MYCBP2: variants seen among roughly 807,000 people sequenced by gnomAD.
The protein encoded by MYCBP2 is E3 ubiquitin-protein ligase MYCBP2.
In MYCBP2, 120 loss-of-function variants were observed where a neutral mutation model predicts 525.3. That is an observed-to-expected ratio of 0.23 (90% CI 0.20 to 0.27). MYCBP2 has a LOEUF of 0.27. MYCBP2 is among the 10% of genes least tolerant of loss of function. The probability of loss-of-function intolerance (pLI) is 1.00; values close to 1 mark genes in which losing one functional copy is unlikely to be tolerated. For missense variants in MYCBP2, 4,149 were observed against 5,657.1 expected (o/e 0.73, Z 8.55); for synonymous variants, 1,894 against 1,955.8 (o/e 0.97, Z 0.83).
intron 55 of MYCBP2, among the ~76,000 whole-genome samples, chr13:77,118,907 G>A (rs1238948443): frequency 1.3e-5 from 2 of 152,022 alleles, no homozygotes; most frequent in African/African-American, 2.4e-5. Context: ...CTGCCTCATC[G>A]GCAGTATATT....
chr13:77,146,065 T>C (rs368379465), intron 48 of MYCBP2, 97 bp downstream of exon 48: 4 of 744,004 alleles, frequency 5.4e-6, no homozygotes, highest in African/African-American at 3.6e-5. Context: ...CTATAAAGTA[T>C]TTATTTATAG....
At chr13:77,300,705 C>A (rs1471320829) in intron 1 of MYCBP2, among the ~76,000 whole-genome samples, 1 of 152,208 alleles carries the variant, frequency 6.6e-6, no homozygotes, top group Non-Finnish European at 1.5e-5. Flanking sequence ...AAATTATCTG[C>A]CTTTTCTTTT....
chr13:77,145,213 A>G (rs2055334850), intron 48 of MYCBP2, among the ~76,000 whole-genome samples: 1 of 152,138 alleles, frequency 6.6e-6, no homozygotes, highest in South Asian at 2.1e-4. Context: ...AAAGTCACCA[A>G]TGACCACCAC....
chr13:77,152,765 G>A (rs550241298), intron 46 of MYCBP2, among the ~76,000 whole-genome samples: 14 of 152,114 alleles, frequency 9.2e-5, no homozygotes, highest in Admixed American at 4.6e-4. Context: ...CACTTCCACC[G>A]TTTGATAAAA....
At chr13:77,097,339 A>C (rs1054984553) in intron 56 of MYCBP2, 31 bp downstream of exon 56, 6 of 1,551,930 alleles carry the variant, frequency 3.9e-6, no homozygotes, top group Admixed American at 2.2e-5. Flanking sequence ...AGAAAAAAGC[A>C]CTTATACGTA....
In MYCBP2 at chr13:77,058,934, G is replaced by A. The variant is rs567886603; in HGVS notation, c.13141-528C>T. 2.0e-3 allele frequency among the ~76,000 whole-genome samples: 311 copies of A among 152,202 alleles called. 2 individuals are homozygous for A. Among genetic ancestry groups the A allele is most frequent in the African/African-American group, 5.5e-3 (227 of 41,530 alleles). On this transcript the variant is annotated intron_variant, in intron 77 of 82. Coordinates refer to ENST00000544440, the MANE Select transcript of MYCBP2 (RefSeq NM_015057.5). The surrounding 1 kb of genome is among the most constrained non-coding windows in gnomAD (Gnocchi z 4.1). ...CGGGAGGCGGAGGTTGCAGTGAGCC[G>A]AGATCGTGCCACTGTACTCCAGCCT...
At chr13:77,207,260 T>C (rs1260934660) in intron 23 of MYCBP2, among the ~76,000 whole-genome samples, 1 of 152,284 alleles carries the variant, frequency 6.6e-6, no homozygotes, top group Non-Finnish European at 1.5e-5. Context: ...GGCAAGGACA[T>C]GGAATGCTAT....
At chr13:77,154,185 C>T (rs1393547565) in intron 46 of MYCBP2, among the ~76,000 whole-genome samples, 1 of 151,968 alleles carries the variant, frequency 6.6e-6, no homozygotes, top group African/African-American at 2.4e-5. Context: ...GATATTAATA[C>T]ATTAAACATC....
intron 17 of MYCBP2, among the ~76,000 whole-genome samples, chr13:77,234,744 C>T (rs1394154308): frequency 6.6e-6 from 1 of 151,912 alleles, no homozygotes; most frequent in African/African-American, 2.4e-5. Flanking sequence ...ATTTTCTTAA[C>T]ATGCATGATT....
intron 37 of MYCBP2, among the ~76,000 whole-genome samples, chr13:77,173,364 A>ATT (rs1189256538): frequency 2.0e-5 from 3 of 152,376 alleles, no homozygotes; most frequent in African/African-American, 7.2e-5. Context: ...TAGTTTAAGA[A>ATT]AGAGAATAAT....
At chr13:77,145,748 T>C (rs920619718) in intron 48 of MYCBP2, among the ~76,000 whole-genome samples, 8 of 152,088 alleles carry the variant, frequency 5.3e-5, no homozygotes, top group African/African-American at 1.9e-4. Context: ...CAGAATTACT[T>C]ACGGGCTGAA....
At position 77,081,619 on chromosome 13, in the gene MYCBP2, T is replaced by G; in HGVS notation, c.11226A>C (p.Leu3742Phe). Residue 3742 changes from leucine to phenylalanine, a missense_variant, in exon 65 of 83, where the codon TTA becomes TTC. Coordinates refer to ENST00000544440, the MANE Select transcript of MYCBP2 (RefSeq NM_015057.5). This position sits in a 1 kb window ranked among gnomAD's most constrained non-coding sequence, Gnocchi z 4.6. The part of the protein sequence containing the change: ...ELCIVMCLKD[L>F]TSIVDIKTSS... ...AAGTTTTTATGTCAACAATGCTGGTTAAGTCCTTTAAGCACATTACTATGC... is the reference window on the plus strand; with the variant it reads ...AAGTTTTTATGTCAACAATGCTGGTGAAGTCCTTTAAGCACATTACTATGC... The G allele has an allele frequency of 6.2e-7, 1 of 1,613,596 alleles. No homozygotes were observed. Among genetic ancestry groups the G allele is most frequent in the Non-Finnish European group, 8.5e-7 (1 of 1,179,848 alleles).
chr13:77,069,706 A>AAG (rs2040831756), intron 69 of MYCBP2, among the ~76,000 whole-genome samples: 1 of 150,710 alleles, frequency 6.6e-6, no homozygotes, highest in East Asian at 1.9e-4. Context: ...AAAAAAAAAA[A>AAG]AAAAAAAAAA....
chr13:77,234,001 C>CAT (rs202176868), intron 17 of MYCBP2, among the ~76,000 whole-genome samples: 15 of 151,464 alleles, frequency 9.9e-5, no homozygotes, highest in Non-Finnish European at 1.6e-4. Context: ...CCACTATGTA[C>CAT]ATATATATAT....
At chr13:77,179,909 C>G (rs1237006736) in intron 34 of MYCBP2, among the ~76,000 whole-genome samples, 1 of 152,044 alleles carries the variant, frequency 6.6e-6, no homozygotes, top group Non-Finnish European at 1.5e-5. Context: ...AAAATGTATA[C>G]TTTATATTCC....
chr13:77,170,585 T>C lies in MYCBP2; in HGVS notation c.5795-871A>G, dbSNP rs540473487. Among the ~76,000 whole-genome samples the C allele has an allele frequency of 7.2e-5, 11 of 151,740 alleles. No individual in the cohort carries two copies. In the East Asian group the frequency reaches 2.1e-3, roughly 29 times the overall value. ...TAAGGAGGTGGAGGTAACTTTTTTT[T>C]TTTTTTTTTGAGATGGAGTGTCACT... On this transcript the variant is annotated intron_variant, in intron 38 of 82. Coordinates refer to ENST00000544440, the MANE Select transcript of MYCBP2 (RefSeq NM_015057.5).
intron 32 of MYCBP2, among the ~76,000 whole-genome samples, chr13:77,182,538 T>TGC (rs1566839389): frequency 2.0e-5 from 3 of 152,230 alleles, no homozygotes; most frequent in South Asian, 4.1e-4. Context: ...CAGAGTAACA[T>TGC]TCCATATGTT....
At position 77,262,124 on chromosome 13, in the gene MYCBP2, C is replaced by G. The variant is rs768929057; in HGVS notation, c.1576G>C (p.Gly526Arg). 2 of 1,607,374 alleles carry G rather than the reference C, an allele frequency of 1.2e-6. No individual in the cohort carries two copies. The change falls in exon 11 of 83, where the codon GGA becomes CGA. Residue 526 changes from glycine to arginine, a missense_variant. Gly to Arg is a moderately radical substitution (Grantham distance 125). Transcript: ENST00000544440. The part of the protein sequence containing the change: ...LEKDLHIIST[G>R]FDEESAILGA... ...AGAATTGCTGACTCCTCATCAAATC[C>G]TGTACCTGAAATACGAGACTAATAA...
At chr13:77,294,152 A>ATAC (rs370909379) in intron 2 of MYCBP2, among the ~76,000 whole-genome samples, 4 of 94,238 alleles carry the variant, frequency 4.2e-5, no homozygotes, top group Non-Finnish European at 8.9e-5. Flanking sequence ...ACATATATAT[A>ATAC]AAATATATAT....
Sources: allele counts gnomAD v4.1 joint callset (sites outside exome capture counted in the v4.1 genomes callset), GRCh38; gene constraint gnomAD v4.1.1; non-coding constraint Gnocchi (gnomAD v3.1); transcripts MANE v1.5; gene names NCBI Gene and HGNC (gene_info 2026-07-23, HGNC 2026-07-21).